ARHGAP12: variants seen among roughly 807,000 people sequenced by gnomAD.
ARHGAP12 encodes the protein rho GTPase-activating protein 12.
In ARHGAP12, 64 loss-of-function variants were observed where a neutral mutation model predicts 108.6. The ratio of observed to expected loss-of-function variants is 0.59; its 90% confidence interval spans 0.48 to 0.73. The LOEUF is 0.73. Among genes scored for constraint, ARHGAP12 ranks in the 30% least tolerant of loss-of-function variants. The pLI, the probability that ARHGAP12 is intolerant of heterozygous loss-of-function variation, is 0.00. For synonymous variants in ARHGAP12, 312 were observed against 337.2 expected, an observed-to-expected ratio of 0.93 and a Z score of 0.82; for missense variants, 940 against 1,005.9, an observed-to-expected ratio of 0.93 and a Z score of 0.89.
At chr10:31,831,217 T>C (rs1259850881) in intron 10 of ARHGAP12, among the ~76,000 whole-genome samples, 1 of 152,132 alleles carries the variant, frequency 6.6e-6, no homozygotes, top group East Asian at 1.9e-4. Context: ...AACTATGCAG[T>C]AGATTAAAAA....
chr10:31,807,761 A>G lies in ARHGAP12; in HGVS notation c.2438T>C (p.Leu813Ser). 2 of 1,607,120 alleles carry G rather than the reference A, an allele frequency of 1.2e-6. No homozygotes were observed. Among genetic ancestry groups the G allele is most frequent in the Non-Finnish European group, 1.7e-6 (2 of 1,177,154 alleles). ...ATTACCAGTCTCTTTTTCTGGTTTT[A>G]ATAGAGTGGGACCAAAAACAATTGC... Reference protein sequence around the residue: ...SIAIVFGPTLLKPEKETGNIA... With the variant: ...SIAIVFGPTLSKPEKETGNIA... Residue 813 changes from leucine to serine, a missense_variant, in exon 20 of 20, where the codon TTA becomes TCA. By Grantham distance (145) the Leu-to-Ser change is moderately radical. Transcript: ENST00000344936.
At chr10:31,890,528 G>T (rs1230048739) in intron 3 of ARHGAP12, among the ~76,000 whole-genome samples, 1 of 152,104 alleles carries the variant, frequency 6.6e-6, no homozygotes, top group Non-Finnish European at 1.5e-5. Flanking sequence ...CAATAATTAA[G>T]TAGGAAGTCT....
chr10:31,894,033 G>C (rs1441462022), intron 3 of ARHGAP12, among the ~76,000 whole-genome samples: 1 of 152,144 alleles, frequency 6.6e-6, no homozygotes, highest in Admixed American at 6.5e-5. Context: ...AAAGGCCTTT[G>C]ACAAAATTCA....
At chr10:31,857,440 A>G (rs1836928365) in intron 4 of ARHGAP12, among the ~76,000 whole-genome samples, 1 of 152,222 alleles carries the variant, frequency 6.6e-6, no homozygotes, top group African/African-American at 2.4e-5. Flanking sequence ...ACAGAGAGAC[A>G]TGGATGAACA....
In ARHGAP12 at chr10:31,908,369, A is replaced by C; in HGVS notation, c.487T>G (p.Ser163Ala). 3.7e-6 allele frequency: 6 copies of C among 1,614,190 alleles called. No individual in the cohort carries two copies. The highest frequency in any genetic ancestry group is 5.1e-6 in the Non-Finnish European group (6 of 1,180,042). Reference protein sequence around the residue: ...THNNGKFNNDSHSPKVSSQNR... With the variant: ...THNNGKFNNDAHSPKVSSQNR... The stretch of plus-strand genomic sequence containing the variant: ...TGGCTGGAAACTTTAGGAGAATGTG[A>C]GTCATTGTTAAACTTTCCGTTATTA... The change falls in exon 3 of 20, where the codon TCA becomes GCA. Residue 163 changes from serine (S) to alanine (A), a missense_variant. Physicochemically the swap from Ser to Ala is moderately conservative, Grantham distance 99. Transcript: ENST00000344936.
At chr10:31,926,511 A>C (rs1184426300) in intron 1 of ARHGAP12, among the ~76,000 whole-genome samples, 1 of 152,258 alleles carries the variant, frequency 6.6e-6, no homozygotes, top group Non-Finnish European at 1.5e-5. Context: ...TAAATACAGG[A>C]CAAAAGTTTA....
At chr10:31,818,336 A>G (rs909041828) in intron 12 of ARHGAP12, among the ~76,000 whole-genome samples, 6 of 152,234 alleles carry the variant, frequency 3.9e-5, no homozygotes, top group African/African-American at 1.4e-4. Context: ...AAGACTTTCA[A>G]TATTTCCTAC....
chr10:31,852,729 CTTTTTTTTTTT>C lies in ARHGAP12; in HGVS notation c.1090-143_1090-133del, dbSNP rs398013156. Reference sequence around the variant, plus strand: ...ATCAAGAACATTGCAACAAAAAATTCTTTTTTTTTTTTTTTTTTTTTTTGAGAGCCCAGGCT... The same window carrying C: ...ATCAAGAACATTGCAACAAAAAATTCTTTTTTTTTTTTGAGAGCCCAGGCT... On this transcript the variant is annotated intron_variant, in intron 5 of 19. Transcript: ENST00000344936. 9.1e-5 allele frequency: 21 copies of C among 230,358 alleles called. No homozygotes were observed. In the Admixed American group the frequency reaches 1.2e-3, roughly 13 times the overall value. 14.3% of individuals were successfully genotyped at this position (230,358 alleles called of 1,614,324 possible).
intron 6 of ARHGAP12, among the ~76,000 whole-genome samples, chr10:31,848,792 G>A (rs998692608): frequency 2.6e-5 from 4 of 151,974 alleles, no homozygotes; most frequent in African/African-American, 9.7e-5. Flanking sequence ...ATTACTTTCG[G>A]CTAGGCGCGG....
chr10:31,891,123 T>C (rs2132400829), intron 3 of ARHGAP12, among the ~76,000 whole-genome samples: 1 of 152,320 alleles, frequency 6.6e-6, no homozygotes, highest in Non-Finnish European at 1.5e-5. Flanking sequence ...GTGAACCCAT[T>C]ATACTATGAT....
chr10:31,888,716 G>A (rs1490404058), intron 3 of ARHGAP12, among the ~76,000 whole-genome samples: 3 of 151,836 alleles, frequency 2.0e-5, no homozygotes, highest in African/African-American at 7.3e-5. Flanking sequence ...TAATACACAA[G>A]GATGAAAGCA....
chr10:31,873,433 T>C (rs1837612500), intron 3 of ARHGAP12, among the ~76,000 whole-genome samples: 2 of 152,236 alleles, frequency 1.3e-5, no homozygotes, highest in South Asian at 4.1e-4. Flanking sequence ...ATTTAACTTA[T>C]AATAAATAAT....
intron 1 of ARHGAP12, among the ~76,000 whole-genome samples, chr10:31,925,371 T>A (rs565694348): frequency 2.0e-5 from 3 of 152,322 alleles, no homozygotes; most frequent in Non-Finnish European, 4.4e-5. Flanking sequence ...TAAAAGAGTT[T>A]TAGATTTACA....
intron 3 of ARHGAP12, among the ~76,000 whole-genome samples, chr10:31,895,856 T>C (rs992196901): frequency 1.3e-5 from 2 of 152,144 alleles, no homozygotes; most frequent in Admixed American, 1.3e-4. Context: ...CCAACAATGA[T>C]AGACTGCATT....
intron 6 of ARHGAP12, among the ~76,000 whole-genome samples, chr10:31,846,182 G>A (rs1020677687): frequency 1.3e-5 from 2 of 152,096 alleles, no homozygotes; most frequent in Non-Finnish European, 2.9e-5. Context: ...CACTCTTTAT[G>A]AAACAGTTGT....
rs766546011 is a variant in ARHGAP12, at chr10:31,908,177, T to C, written c.679A>G (p.Ile227Val). The change falls in exon 3 of 20, where the codon ATA becomes GTA. Residue 227 changes from isoleucine to valine, a missense_variant. By Grantham distance (29) the Ile-to-Val change is conservative (BLOSUM62 3). Coordinates refer to ENST00000344936, the MANE Select transcript of ARHGAP12 (RefSeq NM_018287.7). ...CATTCTATTTTTAATCTTACCCTTA[T>C]CTGTTCAGTGGAGCTGCTGCTAAGT... The part of the protein sequence containing the change: ...DELSSSSTEQ[I>V]RATTPPNQGR... The C allele has an allele frequency of 1.1e-4, 175 of 1,590,484 alleles. No homozygotes were observed. The highest frequency in any genetic ancestry group is 1.5e-4 in the Non-Finnish European group (173 of 1,170,076).
intron 11 of ARHGAP12, among the ~76,000 whole-genome samples, chr10:31,824,935 T>C (rs1835549970): frequency 6.6e-6 from 1 of 152,156 alleles, no homozygotes; most frequent in African/African-American, 2.4e-5. Context: ...AAGAAACAAT[T>C]ACACAGTCCT....
At chr10:31,847,832 T>C (rs765816832) in intron 6 of ARHGAP12, among the ~76,000 whole-genome samples, 3 of 152,130 alleles carry the variant, frequency 2.0e-5, no homozygotes, top group Non-Finnish European at 4.4e-5. Flanking sequence ...CTTCATAACA[T>C]GTTCTGCACA....
intron 11 of ARHGAP12, among the ~76,000 whole-genome samples, chr10:31,826,065 T>G (rs1178646026): frequency 2.0e-5 from 3 of 152,210 alleles, no homozygotes; most frequent in Non-Finnish European, 4.4e-5. Context: ...TAAGCCCACT[T>G]TTCAGTTGAA....
Sources: allele counts gnomAD v4.1 joint callset (sites outside exome capture counted in the v4.1 genomes callset), GRCh38; gene constraint gnomAD v4.1.1; transcripts MANE v1.5; gene names NCBI Gene and HGNC (gene_info 2026-07-23, HGNC 2026-07-21).